HEMGN: variants seen among roughly 807,000 people sequenced by gnomAD.
HEMGN encodes hemogen.
HEMGN carries 32 observed loss-of-function variants against 45.7 expected under a neutral mutation model. That is an observed-to-expected ratio of 0.70 (90% CI 0.53 to 0.94). The LOEUF (loss-of-function observed/expected upper bound fraction) is 0.94, where lower values mean the gene tolerates loss of function less well. Ranked by LOEUF, HEMGN falls within the 40% of genes least tolerant of loss-of-function variation. The probability of loss-of-function intolerance (pLI) is 0.00; values close to 1 mark genes in which losing one functional copy is unlikely to be tolerated. For synonymous variants in HEMGN, 183 were observed against 178.6 expected (o/e 1.02, Z -0.20); for missense variants, 530 against 564.2 (o/e 0.94, Z 0.61).
intron 3 of HEMGN, among the ~76,000 whole-genome samples, chr9:97,928,089 C>G (rs1163961029): frequency 6.7e-6 from 1 of 149,052 alleles, no homozygotes; most frequent in East Asian, 2.0e-4. Context: ...TGCAGTGGCG[C>G]GATCTCTGCT....
intron 2 of HEMGN, among the ~76,000 whole-genome samples, chr9:97,935,338 G>A (rs1222676710): frequency 6.6e-6 from 1 of 152,188 alleles, no homozygotes; most frequent in African/African-American, 2.4e-5. Flanking sequence ...GATTTTGCCT[G>A]TCTTCCCCCA....
chr9:97,930,983 G>C lies in HEMGN; in HGVS notation c.412C>G (p.Gln138Glu). Residue 138 changes from glutamine to glutamate, a missense_variant, in exon 3 of 4, where the codon CAA becomes GAA. Coordinates refer to ENST00000616898, the MANE Select transcript of HEMGN (RefSeq NM_197978.3). ...VPEEHFSEIC[Q>E]ESNIYQENFS... ...TTCTCCTGATATATGTTACTTTCTT[G>C]ACATATTTCAGAAAAGTGTTCCTCA... 2.5e-6 allele frequency: 4 copies of C among 1,613,946 alleles called. No individual in the cohort carries two copies. In the South Asian group the frequency reaches 4.4e-5, roughly 18 times the overall value.
chr9:97,927,384 T>C lies in HEMGN; in HGVS notation c.1455A>G (p.Ter485=). Residue 485 remains the stop codon, a stop_retained_variant, in exon 4 of 4, where the codon TAA becomes TAG. Transcript: ENST00000616898. The part of the protein sequence containing the change: ...ENDVYSYVLF[*] ...ACCACAACTTTATGGTTGAGCATTG[T>C]TAAAACAAAACATAACTATAGACAT... 6.4e-7 allele frequency: 1 copy of C among 1,570,112 alleles called. No homozygotes were observed. Among genetic ancestry groups the C allele is most frequent in the Non-Finnish European group, 8.7e-7 (1 of 1,144,426 alleles).
In HEMGN at chr9:97,936,155, T is replaced by C; in HGVS notation, c.173+16A>G. Reference sequence around the variant, plus strand: ...ATAAATATATTAGTTCCCTTTCCCTTGTGATGCTACCATACCCAAATAGCC... The same window carrying C: ...ATAAATATATTAGTTCCCTTTCCCTCGTGATGCTACCATACCCAAATAGCC... On this transcript the variant is annotated intron_variant, in intron 2 of 3. Transcript: ENST00000616898. The C allele has an allele frequency of 6.4e-7, 1 of 1,555,254 alleles. No individual in the cohort carries two copies. Among genetic ancestry groups the C allele is most frequent in the Non-Finnish European group, 8.9e-7 (1 of 1,126,486 alleles).
chr9:97,928,913 G>C (rs1462897172), intron 3 of HEMGN, among the ~76,000 whole-genome samples: 1 of 152,162 alleles, frequency 6.6e-6, no homozygotes, highest in Non-Finnish European at 1.5e-5. Flanking sequence ...CTCATTTGTT[G>C]AAACAAAACA....
chr9:97,941,097 T>C (rs1827145254), upstream of HEMGN, among the ~76,000 whole-genome samples: 1 of 152,088 alleles, frequency 6.6e-6, no homozygotes, highest in Non-Finnish European at 1.5e-5. Flanking sequence ...TGTCAGATGG[T>C]GATAAGTGCT....
Position 97,936,186 on chromosome 9 carries a change from G to A in HEMGN, c.158C>T (p.Ser53Leu), listed in dbSNP as rs1827054829. Residue 53 changes from serine to leucine, a missense_variant, in exon 2 of 4, where the codon TCA becomes TTA. Coordinates refer to ENST00000616898, the MANE Select transcript of HEMGN (RefSeq NM_197978.3). Reference sequence around the variant, plus strand: ...GCTACCATACCCAAATAGCCATTGTGATGTTTCCTTTTCATGCACTTCAGC... The same window carrying A: ...GCTACCATACCCAAATAGCCATTGTAATGTTTCCTTTTCATGCACTTCAGC... ...RKAEVHEKET[S>L]QWLFGEQKKR... 7 of 1,610,610 alleles carry A rather than the reference G, an allele frequency of 4.3e-6. No individual in the cohort carries two copies.
chr9:97,928,088 G>A (rs1027052427), intron 3 of HEMGN, among the ~76,000 whole-genome samples: 2 of 149,210 alleles, frequency 1.3e-5, no homozygotes, highest in Non-Finnish European at 3.0e-5. Context: ...GTGCAGTGGC[G>A]CGATCTCTGC....
intron 2 of HEMGN, among the ~76,000 whole-genome samples, chr9:97,933,313 C>T (rs545818142): frequency 2.6e-5 from 4 of 152,222 alleles, no homozygotes; most frequent in Admixed American, 6.5e-5. Flanking sequence ...TGTCAGGCAC[C>T]GTTTAAATAA....
Position 97,931,093 on chromosome 9 carries a change from A to C in HEMGN, c.302T>G (p.Leu101Arg), listed in dbSNP as rs1441229185. The C allele has an allele frequency of 6.2e-7, 1 of 1,614,132 alleles. No homozygotes were observed. The highest frequency in any genetic ancestry group is 8.5e-7 in the Non-Finnish European group (1 of 1,180,028). Residue 101 changes from leucine (L) to arginine (R), a missense_variant, in exon 3 of 4, where the codon CTG becomes CGG. Physicochemically the swap from Leu to Arg is moderately radical, Grantham distance 102 (BLOSUM62 -2). Coordinates refer to ENST00000616898, the MANE Select transcript of HEMGN (RefSeq NM_197978.3). Reference protein sequence around the residue: ...QIEKEIVEKALAPIEKKTEPP... With the variant: ...QIEKEIVEKARAPIEKKTEPP... ...CTCAGTTTTTTTCTCTATAGGTGCC[A>C]GTGCTTTCTCCACTATTTCCTTTTC...
chr9:97,928,072 G>A (rs1477676057), intron 3 of HEMGN, among the ~76,000 whole-genome samples: 2 of 149,446 alleles, frequency 1.3e-5, no homozygotes, highest in Non-Finnish European at 3.0e-5. Context: ...TGTCGCCCAG[G>A]CTGGAGTGCA....
At chr9:97,936,109 A>C in intron 2 of HEMGN, 62 bp downstream of exon 2, 1 of 1,056,598 alleles carries the variant, frequency 9.5e-7, no homozygotes, top group Non-Finnish European at 1.5e-6. Context: ...GCACAGCACT[A>C]CTTTATGCAT....
intron 1 of HEMGN, 40 bp downstream of exon 1, chr9:97,938,015 ATTC>A (rs1487748560): frequency 8.0e-7 from 1 of 1,244,266 alleles, no homozygotes; most frequent in Admixed American, 2.0e-5. Context: ...CATACCCCGA[ATTC>A]TTCTCAACAG....
At chr9:97,935,179 A>G (rs1294317051) in intron 2 of HEMGN, among the ~76,000 whole-genome samples, 1 of 152,138 alleles carries the variant, frequency 6.6e-6, no homozygotes, top group Non-Finnish European at 1.5e-5. Context: ...TCATTCTCCT[A>G]TTTATCAATC....
At position 97,930,536 on chromosome 9, in the gene HEMGN, T is replaced by A; in HGVS notation, c.859A>T (p.Thr287Ser). The change falls in exon 3 of 4, where the codon ACA becomes TCA. Residue 287 changes from threonine (T) to serine (S), a missense_variant. Coordinates refer to ENST00000616898, the MANE Select transcript of HEMGN (RefSeq NM_197978.3). ...TCTGTCTCAGCTATTCCTTGATCTGTTTCATTGTATTCCTCTGGTTCTGCT... is the reference window on the plus strand; with the variant it reads ...TCTGTCTCAGCTATTCCTTGATCTGATTCATTGTATTCCTCTGGTTCTGCT... ...NPAEPEEYNE[T>S]DQGIAETEGL... is the part of the protein sequence containing the mutation. 1 of 1,614,176 alleles carries A rather than the reference T, an allele frequency of 6.2e-7. No individual in the cohort carries two copies.
At chr9:97,934,679 A>G (rs1202878905) in intron 2 of HEMGN, among the ~76,000 whole-genome samples, 1 of 152,162 alleles carries the variant, frequency 6.6e-6, no homozygotes, top group Non-Finnish European at 1.5e-5. Flanking sequence ...ACTTTCTGCA[A>G]AATCATCCTC....
rs2131552571 is a variant in HEMGN at position 97,930,521 on chromosome 9, C to T, written c.874G>A (p.Ala292Thr). The T allele has an allele frequency of 6.2e-7, 1 of 1,614,106 alleles. No individual in the cohort carries two copies. Among genetic ancestry groups the T allele is most frequent in the East Asian group, 2.2e-5 (1 of 44,874 alleles). ...EEYNETDQGI[A>T]ETEGLFPKIQ... is the part of the protein sequence containing the mutation. ...TTAGGAAAAAGGCCTTCTGTCTCAG[C>T]TATTCCTTGATCTGTTTCATTGTAT... The change falls in exon 3 of 4, where the codon GCT becomes ACT. Residue 292 changes from alanine to threonine, a missense_variant. Physicochemically the swap from Ala to Thr is moderately conservative, Grantham distance 58. Coordinates refer to ENST00000616898, the MANE Select transcript of HEMGN (RefSeq NM_197978.3).
In HEMGN at chr9:97,927,382, T is replaced by G; in HGVS notation, c.*2A>C. 6.4e-7 allele frequency: 1 copy of G among 1,555,558 alleles called. No homozygotes were observed. On this transcript the variant is annotated 3_prime_UTR_variant, in exon 4 of 4. Transcript: ENST00000616898. ...GGACCACAACTTTATGGTTGAGCAT[T>G]GTTAAAACAAAACATAACTATAGAC...
chr9:97,941,167 A>G (rs1183768028), upstream of HEMGN, among the ~76,000 whole-genome samples: 1 of 152,150 alleles, frequency 6.6e-6, no homozygotes, highest in Non-Finnish European at 1.5e-5. Flanking sequence ...GGTGGCTGCT[A>G]TTTTAAATAG....
Sources: gnomAD v4.1 joint callset for allele counts (sites outside exome capture counted in the v4.1 genomes callset) on GRCh38, gnomAD v4.1.1 for gene constraint, MANE v1.5 for transcripts, NCBI Gene and HGNC (gene_info 2026-07-23, HGNC 2026-07-21) for gene names.